TTLL13: variants seen among roughly 807,000 people sequenced by gnomAD.
TTLL13 encodes the protein tubulin tyrosine ligase like 13.
chr15:90,263,959 A>C, the TTLL13 span: 1 of 1,535,788 alleles, frequency 6.5e-7, no homozygotes, highest in South Asian at 1.2e-5. Flanking sequence ...CAAGAACTTC[A>C]ACTGGACAGG....
chr15:90,264,903 G>T, the TTLL13 span: 1 of 1,536,030 alleles, frequency 6.5e-7, no homozygotes, highest in Non-Finnish European at 8.7e-7. Flanking sequence ...GTTCCCCTCT[G>T]CCCTGCGTCT....
At chr15:90,262,580 G>A in the TTLL13 span, 2 of 1,534,852 alleles carry the variant, frequency 1.3e-6, no homozygotes, top group Non-Finnish European at 8.7e-7. Context: ...GAACCAGGGT[G>A]AATCAGCTGG....
chr15:90,256,474 A>G, the TTLL13 span, among the ~76,000 whole-genome samples: 1 of 152,056 alleles, frequency 6.6e-6, no homozygotes, highest in Non-Finnish European at 1.5e-5. Context: ...GTTGAATCTC[A>G]GTTTCCACTT....
At chr15:90,255,984 G>A in the TTLL13 span, 1 of 1,582,318 alleles carries the variant, frequency 6.3e-7, no homozygotes. Context: ...CAGAGGGATG[G>A]AAGTGGAATG....
the TTLL13 span, among the ~76,000 whole-genome samples, chr15:90,252,984 G>A: frequency 5.3e-5 from 8 of 152,084 alleles, no homozygotes; most frequent in African/African-American, 1.4e-4. Flanking sequence ...GCACAAGGGC[G>A]AAACTCCGTC....
the TTLL13 span, chr15:90,265,237 G>A: frequency 7.6e-7 from 1 of 1,319,002 alleles, no homozygotes; most frequent in Non-Finnish European, 9.7e-7. Context: ...TGGGTTTATC[G>A]CTAGGTGATG....
chr15:90,265,460 A>G, the TTLL13 span: 4 of 1,349,564 alleles, frequency 3.0e-6, no homozygotes, highest in Non-Finnish European at 3.8e-6. Flanking sequence ...TACTTTAATT[A>G]AAGTTTATGC....
At chr15:90,255,461 G>A in the TTLL13 span, among the ~76,000 whole-genome samples, 2 of 152,218 alleles carry the variant, frequency 1.3e-5, no homozygotes, top group African/African-American at 4.8e-5. Flanking sequence ...GGTCTGAGGG[G>A]TGTTAGAAGG....
At chr15:90,258,360 A>T in the TTLL13 span, 1 of 1,108,880 alleles carries the variant, frequency 9.0e-7, no homozygotes, top group Non-Finnish European at 1.4e-6. Flanking sequence ...AGGTGGTGGA[A>T]CACAGAATGG....
chr15:90,264,958 G>C, the TTLL13 span: 2 of 1,535,302 alleles, frequency 1.3e-6, no homozygotes, highest in Non-Finnish European at 1.7e-6. Flanking sequence ...ACATCAATCA[G>C]TTCAGGTAAA....
At chr15:90,258,920 G>C in the TTLL13 span, 17 of 1,614,200 alleles carry the variant, frequency 1.1e-5, no homozygotes, top group African/African-American at 1.1e-4. Flanking sequence ...ACAGCCACGA[G>C]AATCTAGGTG....
chr15:90,256,009 G>A, the TTLL13 span: 1 of 1,563,202 alleles, frequency 6.4e-7, no homozygotes, highest in Non-Finnish European at 8.7e-7. Context: ...AGTTTCAGCT[G>A]GTCAAAGAAA....
the TTLL13 span, among the ~76,000 whole-genome samples, chr15:90,250,145 G>C: frequency 6.6e-6 from 1 of 151,930 alleles, no homozygotes; most frequent in African/African-American, 2.4e-5. Context: ...TTTTAGGAGA[G>C]ACGGGATTTC....
the TTLL13 span, chr15:90,257,331 G>A: frequency 6.4e-7 from 1 of 1,571,204 alleles, no homozygotes; most frequent in Non-Finnish European, 8.6e-7. Context: ...AAGTGCTGAG[G>A]TTCTCTAGAG....
the TTLL13 span, chr15:90,250,554 C>T: frequency 1.3e-6 from 2 of 1,518,634 alleles, no homozygotes; most frequent in Non-Finnish European, 1.8e-6. Flanking sequence ...TTCCTTCAGG[C>T]CTTCTAGGGC....
At chr15:90,253,197 G>A in the TTLL13 span, 1 of 1,493,570 alleles carries the variant, frequency 6.7e-7, no homozygotes, top group East Asian at 2.3e-5. Context: ...CACAGTTCCA[G>A]GGCTTGTTGC....
the TTLL13 span, chr15:90,264,586 C>T: frequency 2.0e-6 from 2 of 995,006 alleles, no homozygotes; most frequent in Non-Finnish European, 2.9e-6. Flanking sequence ...AATTACAATA[C>T]AGTGTGGGAA....
At chr15:90,263,015 A>AGGAGGAG in the TTLL13 span, 1 of 1,536,108 alleles carries the variant, frequency 6.5e-7, no homozygotes, top group East Asian at 2.4e-5. Flanking sequence ...ATTGTGGAAG[A>AGGAGGAG]GGAGGAGCTG....
At chr15:90,258,897 T>C in the TTLL13 span, 2 of 1,614,166 alleles carry the variant, frequency 1.2e-6, no homozygotes, top group South Asian at 1.1e-5. Context: ...GAACGGCTTT[T>C]CCAGTGCTAC....
Sources: gnomAD v4.1 joint callset for allele counts (sites outside exome capture counted in the v4.1 genomes callset) on GRCh38, gnomAD v4.1.1 for gene constraint, MANE v1.5 for transcripts, NCBI Gene and HGNC (gene_info 2026-07-23, HGNC 2026-07-21) for gene names.